Variants in B3GAT2 observed in about 807,000 individuals in gnomAD.
B3GAT2 encodes beta-1,3-glucuronyltransferase 2, also known as galactosylgalactosylxylosylprotein 3-beta-glucuronosyltransferase 2.
A neutral mutation model predicts 27.8 loss-of-function variants in B3GAT2; 26 were observed. That is an observed-to-expected ratio of 0.93 (90% CI 0.68 to 1.30). The LOEUF (loss-of-function observed/expected upper bound fraction) is 1.30, where lower values mean the gene tolerates loss of function less well. Ranked by LOEUF, B3GAT2 falls within the 50% of genes most tolerant of loss-of-function variation. The pLI, the probability that B3GAT2 is intolerant of heterozygous loss-of-function variation, is 0.00. For synonymous variants in B3GAT2, 218 were observed against 195.1 expected, an observed-to-expected ratio of 1.12 and a Z score of -0.98; for missense variants, 458 against 459.0, an observed-to-expected ratio of 1.00 and a Z score of 0.02.
chr6:70,937,735 T>C (rs1303707519), intron 1 of B3GAT2, among the ~76,000 whole-genome samples: 1 of 152,014 alleles, frequency 6.6e-6, no homozygotes, highest in Admixed American at 6.6e-5. Flanking sequence ...ATAAATTAGG[T>C]ATTGATGGGA....
At chr6:70,944,887 C>T (rs1357014694) in intron 1 of B3GAT2, among the ~76,000 whole-genome samples, 3 of 152,230 alleles carry the variant, frequency 2.0e-5, no homozygotes, top group African/African-American at 7.2e-5. Flanking sequence ...TCCAGAGGAA[C>T]GATCAGAAAG....
Position 70,857,016 on chromosome 6 carries a change from A to G in B3GAT2, c.*4647T>C, listed in dbSNP as rs1407367678. On this transcript the variant is annotated 3_prime_UTR_variant, in exon 4 of 4. Transcript: ENST00000230053. ...CTGTATGGCACAGGAACCATTCAAC[A>G]GCAAAGTACTCCTGGTAATGAATTT... 1.2e-6 allele frequency: 2 copies of G among 1,608,162 alleles called. No homozygotes were observed. Among genetic ancestry groups the G allele is most frequent in the Admixed American group, 1.7e-5 (1 of 59,226 alleles).
At chr6:70,872,242 C>T (rs935810112) in intron 2 of B3GAT2, among the ~76,000 whole-genome samples, 4 of 151,762 alleles carry the variant, frequency 2.6e-5, no homozygotes, top group African/African-American at 9.7e-5. Flanking sequence ...AGTCTTCTAT[C>T]CCAGTTGATC....
chr6:70,889,873 C>T (rs1283096084), intron 2 of B3GAT2, among the ~76,000 whole-genome samples: 1 of 151,884 alleles, frequency 6.6e-6, no homozygotes, highest in African/African-American at 2.4e-5. Context: ...ACCTCCACCT[C>T]CTGGTTCAAG....
At chr6:70,925,143 C>T (rs529939528) in intron 1 of B3GAT2, among the ~76,000 whole-genome samples, 2 of 152,150 alleles carry the variant, frequency 1.3e-5, no homozygotes, top group Non-Finnish European at 2.9e-5. Flanking sequence ...TCTCTCCCTG[C>T]CAAACTATCC....
At chr6:70,941,789 AATTC>A (rs1765397336) in intron 1 of B3GAT2, among the ~76,000 whole-genome samples, 1 of 152,164 alleles carries the variant, frequency 6.6e-6, no homozygotes, top group South Asian at 2.1e-4. Flanking sequence ...AGTGTCTTAT[AATTC>A]ATTCATTCAA....
rs1771577687 is a variant in B3GAT2, at chr6:70,859,110, G to C, written c.*2553C>G. ...TTTAGAGCATTCAGGGAATAGTCTA[G>C]AGTGATTTCTAACATTAGCACAATC... On this transcript the variant is annotated 3_prime_UTR_variant, in exon 4 of 4. Transcript: ENST00000230053. The C allele has an allele frequency of 4.7e-6, 2 of 422,642 alleles. No individual in the cohort carries two copies. Among genetic ancestry groups the C allele is most frequent in the East Asian group, 4.0e-5 (1 of 24,852 alleles). The allele number at this position is 422,642 out of a possible 1,614,324, so 26.2% of individuals were successfully genotyped here.
intron 1 of B3GAT2, among the ~76,000 whole-genome samples, chr6:70,895,971 T>C (rs1316257222): frequency 6.6e-6 from 1 of 152,170 alleles, no homozygotes; most frequent in Non-Finnish European, 1.5e-5. Context: ...AACACAGCTT[T>C]TGAAACATTT....
At chr6:70,952,284 C>A (rs1432590840) in intron 1 of B3GAT2, among the ~76,000 whole-genome samples, 1 of 152,130 alleles carries the variant, frequency 6.6e-6, no homozygotes, top group African/African-American at 2.4e-5. Context: ...TGAGAGCCAG[C>A]CTGTCTTCCA....
At chr6:70,948,087 A>G (rs1045873830) in intron 1 of B3GAT2, among the ~76,000 whole-genome samples, 2 of 151,064 alleles carry the variant, frequency 1.3e-5, no homozygotes, top group African/African-American at 4.9e-5. Context: ...ATCTCAAAAT[A>G]ATAAGAGCTA....
Position 70,949,409 on chromosome 6 carries a change from C to T in B3GAT2, c.591+6430G>A, listed in dbSNP as rs974499965. ...AGTGGGTGAAGGACATGAACAGACACTTCTCAAAAGAAACATTTATGCAGC... is the reference window on the plus strand; with the variant it reads ...AGTGGGTGAAGGACATGAACAGACATTTCTCAAAAGAAACATTTATGCAGC... On this transcript the variant is annotated intron_variant, in intron 1 of 3. Coordinates refer to ENST00000230053, the MANE Select transcript of B3GAT2 (RefSeq NM_080742.3). Among the ~76,000 whole-genome samples the T allele has an allele frequency of 1.4e-4, 22 of 152,316 alleles. 1 individual carries two copies. Among genetic ancestry groups the T allele is most frequent in the African/African-American group, 4.8e-4 (20 of 41,546 alleles).
chr6:70,895,117 G>T (rs944417609), intron 1 of B3GAT2, among the ~76,000 whole-genome samples: 16 of 152,148 alleles, frequency 1.1e-4, no homozygotes, highest in African/African-American at 3.9e-4. Flanking sequence ...CCCCATGCTG[G>T]AGCCCATAGC....
chr6:70,862,523 TG>T (rs1443771578), intron 2 of B3GAT2, among the ~76,000 whole-genome samples: 1 of 152,204 alleles, frequency 6.6e-6, no homozygotes, highest in Admixed American at 6.5e-5. Context: ...TTTAATCATC[TG>T]GTTTATATTT....
chr6:70,860,957 G>A lies in B3GAT2; in HGVS notation c.*706C>T, dbSNP rs1771696043. 8.5e-6 allele frequency: 3 copies of A among 353,122 alleles called. No individual in the cohort carries two copies. Among genetic ancestry groups the A allele is most frequent in the African/African-American group, 6.3e-5 (3 of 47,708 alleles). The allele number at this position is 353,122 out of a possible 1,614,324, so 21.9% of individuals were successfully genotyped here. On this transcript the variant is annotated 3_prime_UTR_variant, in exon 4 of 4. Coordinates refer to ENST00000230053, the MANE Select transcript of B3GAT2 (RefSeq NM_080742.3). The stretch of plus-strand genomic sequence containing the variant: ...AATTCAAATTTTATCTGCCTCTCTT[G>A]TAATTTGGATCTCTTCTTAATGTAC...
In B3GAT2 at chr6:70,955,953, C is replaced by T. The variant is rs983222335; in HGVS notation, c.477G>A (p.Gln159=). 1.9e-6 allele frequency: 3 copies of T among 1,557,104 alleles called. No homozygotes were observed. Among genetic ancestry groups the T allele is most frequent in the East Asian group, 2.5e-5 (1 of 40,256 alleles). The change falls in exon 1 of 4, where the codon CAG becomes CAA. Residue 159 remains glutamine, a synonymous_variant. Transcript: ENST00000230053. ...GCAGCCAGGCGAGGCCCGCGTTGCGCTGCTCAGTGGCGCGCGGCAGCCCGG... is the reference window on the plus strand; with the variant it reads ...GCAGCCAGGCGAGGCCCGCGTTGCGTTGCTCAGTGGCGCGCGGCAGCCCGG... ...KRPGLPRATE[Q]RNAGLAWLRQ...
intron 2 of B3GAT2, among the ~76,000 whole-genome samples, chr6:70,883,407 T>C (rs752944124): frequency 6.6e-6 from 1 of 151,244 alleles, no homozygotes; most frequent in Non-Finnish European, 1.5e-5. Flanking sequence ...AGGAATGAAA[T>C]TCTGATACAT....
rs115869665 is a variant in B3GAT2 at position 70,910,682 on chromosome 6, C to T, written c.592-16410G>A. Among the ~76,000 whole-genome samples the T allele has an allele frequency of 4.6e-3, 700 of 152,214 alleles. 4 individuals are homozygous for T. Among genetic ancestry groups the T allele is most frequent in the African/African-American group, 0.015 (634 of 41,536 alleles). On this transcript the variant is annotated intron_variant, in intron 1 of 3. Transcript: ENST00000230053. Reference sequence around the variant, plus strand: ...GTAGAATGATTTCTATTCCTTTGGGCATATACCCAATAAGTGGATGGCTGG... The same window carrying T: ...GTAGAATGATTTCTATTCCTTTGGGTATATACCCAATAAGTGGATGGCTGG...
At chr6:70,941,637 A>G (rs1467230227) in intron 1 of B3GAT2, among the ~76,000 whole-genome samples, 1 of 152,170 alleles carries the variant, frequency 6.6e-6, no homozygotes, top group Non-Finnish European at 1.5e-5. Flanking sequence ...GACCACGTTT[A>G]TCTTCCAGTT....
At chr6:70,918,952 G>A (rs1772822303) in intron 1 of B3GAT2, among the ~76,000 whole-genome samples, 1 of 152,146 alleles carries the variant, frequency 6.6e-6, no homozygotes, top group South Asian at 2.1e-4. Context: ...GCCTTGCTAG[G>A]TTGGGGAAGT....
Sources: allele counts gnomAD v4.1 joint callset (sites outside exome capture counted in the v4.1 genomes callset), GRCh38; gene constraint gnomAD v4.1.1; transcripts MANE v1.5; gene names NCBI Gene and HGNC (gene_info 2026-07-23, HGNC 2026-07-21).